DNMT3A: variants seen among roughly 807,000 people sequenced by gnomAD.
The protein encoded by DNMT3A is DNA methyltransferase 3 alpha, also known as DNA (cytosine-5)-methyltransferase 3A.
In DNMT3A, 267 loss-of-function variants were observed where a neutral mutation model predicts 117.6. That is an observed-to-expected ratio of 2.27 (90% CI 2.05 to 2.51). DNMT3A has a LOEUF of 2.51. Ranked by LOEUF, DNMT3A falls within the 30% of genes most tolerant of loss-of-function variation. DNMT3A has a pLI of 0.00. For synonymous variants in DNMT3A, 432 were observed against 474.8 expected, an observed-to-expected ratio of 0.91 and a Z score of 1.17; for missense variants, 1,029 against 1,260.2, an observed-to-expected ratio of 0.82 and a Z score of 2.78.
At chr2:25,320,609 T>C (rs1214844585) in intron 1 of DNMT3A, among the ~76,000 whole-genome samples, 1 of 150,774 alleles carries the variant, frequency 6.6e-6, no homozygotes, top group Non-Finnish European at 1.5e-5. Flanking sequence ...TACAAAAAAA[T>C]AAGGCAGATG....
In DNMT3A at chr2:25,246,211, T is replaced by C. The variant is rs755480632; in HGVS notation, c.1378A>G (p.Ser460Gly). Residue 460 changes from serine (S) to glycine (G), a missense_variant, in exon 11 of 23, where the codon AGC becomes GGC. Physicochemically the swap from Ser to Gly is moderately conservative, Grantham distance 56 (BLOSUM62 0). Coordinates refer to ENST00000321117, the MANE Select transcript of DNMT3A (RefSeq NM_022552.5). ...PPPPAKKPRKSTAEKPKVKEI... is the reference protein window; with the variant it reads ...PPPPAKKPRKGTAEKPKVKEI... ...TTGACCTTGGGCTTCTCCGCTGTGC[T>C]CTTCCGGGGCTTTTTGGCTGGTGGA... is the stretch of plus-strand genomic sequence containing the variant. 1.2e-6 allele frequency: 2 copies of C among 1,614,168 alleles called. No homozygotes were observed.
chr2:25,302,263 G>T (rs951706520), intron 2 of DNMT3A, among the ~76,000 whole-genome samples: 5 of 152,172 alleles, frequency 3.3e-5, no homozygotes, highest in African/African-American at 1.2e-4. Context: ...GGGGAGGGCT[G>T]CCAACACTGG....
chr2:25,341,946 C>T, upstream of DNMT3A: 2 of 965,220 alleles, frequency 2.1e-6, no homozygotes, highest in Non-Finnish European at 2.5e-6. Context: ...CCTCCCGGCC[C>T]GCCTGCCTGC....
intron 1 of DNMT3A, among the ~76,000 whole-genome samples, chr2:25,332,610 C>A (rs2035055815): frequency 6.6e-6 from 1 of 152,224 alleles, no homozygotes; most frequent in African/African-American, 2.4e-5. Flanking sequence ...GCCAGGCCTG[C>A]CAACTCGGGG....
At chr2:25,235,864 A>G (rs754979546) in intron 21 of DNMT3A, 39 bp from the exon 22 acceptor site, 3 of 1,565,136 alleles carry the variant, frequency 1.9e-6, no homozygotes, top group South Asian at 1.1e-5. Flanking sequence ...GCACGAATTC[A>G]TTCACCAGCC....
At chr2:25,269,719 G>T (rs2030698071) in intron 6 of DNMT3A, among the ~76,000 whole-genome samples, 1 of 152,160 alleles carries the variant, frequency 6.6e-6, no homozygotes, top group Non-Finnish European at 1.5e-5. Context: ...GTAAGCAGGT[G>T]AAGGAACAGC....
intron 6 of DNMT3A, among the ~76,000 whole-genome samples, chr2:25,251,162 GGGT>G (rs1675498874): frequency 7.1e-6 from 1 of 141,020 alleles, no homozygotes; most frequent in African/African-American, 2.7e-5. Context: ...GCGGGGGGGG[GGGT>G]GGGTGAGCAG....
intron 6 of DNMT3A, among the ~76,000 whole-genome samples, chr2:25,267,590 G>A (rs993146697): frequency 6.6e-6 from 1 of 152,190 alleles, no homozygotes; most frequent in Admixed American, 6.5e-5. Flanking sequence ...AAATTTTGGG[G>A]TGGCAAGTTT....
chr2:25,273,984 G>C (rs564584634), intron 6 of DNMT3A, among the ~76,000 whole-genome samples: 2 of 152,266 alleles, frequency 1.3e-5, no homozygotes, highest in East Asian at 3.9e-4. Flanking sequence ...TCCCCTTGCT[G>C]AGCCCTTAAG....
In DNMT3A at chr2:25,265,665, A is replaced by C. The variant is rs1251621908; in HGVS notation, c.639+9276T>G. On this transcript the variant is annotated intron_variant, in intron 6 of 22. Transcript: ENST00000321117. ...AAACCCCATCTCTCCTAAAAATACA[A>C]AAAATTAGCCGGGTGTGGTGGCAGG... Among the ~76,000 whole-genome samples the C allele has an allele frequency of 6.6e-5, 10 of 152,076 alleles. No homozygotes were observed. In the East Asian group the frequency reaches 1.9e-3, roughly 29 times the overall value.
intron 1 of DNMT3A, chr2:25,328,822 G>A: frequency 2.4e-6 from 1 of 423,974 alleles, no homozygotes; most frequent in Non-Finnish European, 5.1e-6. Context: ...CTGTGGGTCT[G>A]CAGGCTCACC....
At chr2:25,270,743 C>T (rs2030808285) in intron 6 of DNMT3A, among the ~76,000 whole-genome samples, 1 of 152,114 alleles carries the variant, frequency 6.6e-6, no homozygotes, top group South Asian at 2.1e-4. Flanking sequence ...TGGGGAGGAA[C>T]CTGCAGCGGC....
At chr2:25,246,979 G>A (rs865826463) in intron 9 of DNMT3A, 72 bp downstream of exon 9, 41 of 1,551,872 alleles carry the variant, frequency 2.6e-5, no homozygotes, top group Non-Finnish European at 3.3e-5. Context: ...GCTCAAGCCC[G>A]ACCTGCACTC....
At chr2:25,244,836 C>T (rs749187504) in intron 13 of DNMT3A, among the ~76,000 whole-genome samples, 184 bp from the exon 14 acceptor site, 40 of 152,266 alleles carry the variant, frequency 2.6e-4, no homozygotes, top group African/African-American at 6.0e-4. Context: ...GCCTGTGCAC[C>T]GCCATGGACA....
At chr2:25,278,042 C>CACACACACACACACACACAG (rs150400657) in intron 4 of DNMT3A, among the ~76,000 whole-genome samples, 6 of 146,290 alleles carry the variant, frequency 4.1e-5, no homozygotes, top group Admixed American at 2.0e-4. Flanking sequence ...CACACACAGA[C>CACACACACACACACACACAG]ACACACGCTT....
At position 25,247,603 on chromosome 2, in the gene DNMT3A, GC is replaced by G; in HGVS notation, c.1001del (p.Gly334AlafsTer11). 2 of 1,613,864 alleles carry G rather than the reference GC, an allele frequency of 1.2e-6. No homozygotes were observed. The highest frequency in any genetic ancestry group is 1.7e-6 in the Non-Finnish European group (2 of 1,179,948). ...CCCCACAACTTACCACTGAGAATTT[GC>G]CGTCTCCGAACCACATGACCCAGCG... ...GTRWVMWFGD[G>X]KFSVVCVEKL... is the part of the protein sequence containing the mutation. On this transcript the variant is annotated frameshift_variant, in exon 8 of 23. Coordinates refer to ENST00000321117, the MANE Select transcript of DNMT3A (RefSeq NM_022552.5). LOFTEE classifies it high-confidence loss of function. The surrounding 1 kb of genome is among the most constrained non-coding windows in gnomAD (Gnocchi z 5.6).
intron 16 of DNMT3A, among the ~76,000 whole-genome samples, chr2:25,242,559 G>T (rs1264372913): frequency 6.6e-6 from 1 of 152,204 alleles, no homozygotes; most frequent in Non-Finnish European, 1.5e-5. Flanking sequence ...TAGGTTTACA[G>T]AAGAGCAGCA....
intron 3 of DNMT3A, 120 bp downstream of exon 3, chr2:25,300,019 C>A: frequency 2.0e-6 from 2 of 978,134 alleles, no homozygotes; most frequent in Admixed American, 5.2e-5. Flanking sequence ...AGGGGTATAC[C>A]CCATCACCTG....
intron 9 of DNMT3A, 103 bp from the exon 10 acceptor site, chr2:25,246,879 A>T: frequency 6.5e-7 from 1 of 1,545,914 alleles, no homozygotes. Context: ...CACAGGCAAG[A>T]TGGGGAGGAA....
Sources: gnomAD v4.1 joint callset for allele counts (sites outside exome capture counted in the v4.1 genomes callset) on GRCh38, gnomAD v4.1.1 for gene constraint, Gnocchi (gnomAD v3.1) non-coding constraint, MANE v1.5 for transcripts, NCBI Gene and HGNC (gene_info 2026-07-23, HGNC 2026-07-21) for gene names.